The following CDH8 variants were observed in gnomAD, a reference collection of about 807,000 sequenced individuals.
CDH8 encodes the protein cadherin 8.
A neutral mutation model predicts 68.1 loss-of-function variants in CDH8; 17 were observed. That is an observed-to-expected ratio of 0.25 (90% CI 0.17 to 0.37). CDH8 has a LOEUF of 0.37. Among genes scored for constraint, CDH8 ranks in the 10% least tolerant of loss-of-function variants. CDH8 has a pLI of 1.00. For synonymous variants in CDH8, 372 were observed against 365.1 expected (o/e 1.02, Z -0.21); for missense variants, 763 against 999.3 (o/e 0.76, Z 3.19).
At chr16:61,697,339 A>T (rs1964346223) in intron 10 of CDH8, among the ~76,000 whole-genome samples, 1 of 152,112 alleles carries the variant, frequency 6.6e-6, no homozygotes, top group East Asian at 1.9e-4. Context: ...TGTCACCCTT[A>T]TGCAGACAGA....
At chr16:61,750,316 C>A (rs921503468) in intron 8 of CDH8, among the ~76,000 whole-genome samples, 1 of 152,060 alleles carries the variant, frequency 6.6e-6, no homozygotes, top group Non-Finnish European at 1.5e-5. Context: ...AGTAAAGAAG[C>A]ACAGGGTAAG....
intron 8 of CDH8, among the ~76,000 whole-genome samples, chr16:61,732,513 A>G (rs1421938620): frequency 6.6e-6 from 1 of 151,848 alleles, no homozygotes; most frequent in Non-Finnish European, 1.5e-5. Context: ...GGAATCCTAT[A>G]TCCATCACAA....
chr16:61,882,412 T>C (rs1963594893), intron 3 of CDH8, among the ~76,000 whole-genome samples: 1 of 152,218 alleles, frequency 6.6e-6, no homozygotes, highest in South Asian at 2.1e-4. Context: ...CTTTTAGCTA[T>C]GAAGAAGAGC....
At chr16:62,001,501 G>T in intron 2 of CDH8, among the ~76,000 whole-genome samples, 1 of 152,086 alleles carries the variant, frequency 6.6e-6, no homozygotes, top group Non-Finnish European at 1.5e-5. Context: ...GTAGCCCAAG[G>T]TAAATACACA....
At position 61,647,626 on chromosome 16, in the gene CDH8, TGATCC is replaced by T. The variant is rs1963233400; in HGVS notation, c.*5977_*5981del. Reference sequence around the variant, plus strand: ...GAAATTAACATTTGGCTTTGGGGGGTGATCCCAATGACTCCTAAATTGTCATGGTC... The same window carrying T: ...GAAATTAACATTTGGCTTTGGGGGGTCAATGACTCCTAAATTGTCATGGTC... On this transcript the variant is annotated 3_prime_UTR_variant, in exon 12 of 12. Transcript: ENST00000577390. The T allele has an allele frequency of 1.1e-5, 6 of 540,178 alleles. No individual in the cohort carries two copies. The allele number at this position is 540,178 out of a possible 1,614,324, so 33.5% of individuals were successfully genotyped here. A position where few individuals can be genotyped will look rare whatever the true frequency, so the allele number is the denominator to read the frequency against.
intron 6 of CDH8, 60 bp from the exon 7 acceptor site, chr16:61,817,792 T>C: frequency 6.7e-7 from 1 of 1,490,102 alleles, no homozygotes; most frequent in Non-Finnish European, 9.0e-7. Flanking sequence ...CAAGAACAAA[T>C]GAGTATAATG....
chr16:61,926,647 T>A (rs919291446), intron 2 of CDH8, among the ~76,000 whole-genome samples: 1 of 152,204 alleles, frequency 6.6e-6, no homozygotes, highest in Non-Finnish European at 1.5e-5. Flanking sequence ...ACAGGCAGAA[T>A]GCAGTGTGCT....
At chr16:61,776,764 A>T (rs2142991346) in intron 8 of CDH8, among the ~76,000 whole-genome samples, 1 of 152,214 alleles carries the variant, frequency 6.6e-6, no homozygotes, top group East Asian at 1.9e-4. Flanking sequence ...TATCAAGTTT[A>T]CCTTAAGTTA....
At chr16:61,940,194 G>A (rs1964690702) in intron 2 of CDH8, 1 of 151,744 alleles carries the variant, frequency 6.6e-6, no homozygotes, top group South Asian at 2.1e-4. Context: ...TATCTCCTTT[G>A]ACATCTTTCT....
At chr16:61,964,339 G>A (rs1367738607) in intron 2 of CDH8, among the ~76,000 whole-genome samples, 15 of 152,226 alleles carry the variant, frequency 9.9e-5, no homozygotes, top group Admixed American at 7.2e-4. Flanking sequence ...GGTGGGAACC[G>A]CCCAGGACAG....
At chr16:61,865,918 C>T (rs973791872) in intron 3 of CDH8, among the ~76,000 whole-genome samples, 3 of 152,104 alleles carry the variant, frequency 2.0e-5, no homozygotes, top group Admixed American at 6.5e-5. Flanking sequence ...ATGCCTTCTA[C>T]GGTATGTGAC....
At chr16:61,752,701 G>A (rs369584995) in intron 8 of CDH8, among the ~76,000 whole-genome samples, 35 of 152,262 alleles carry the variant, frequency 2.3e-4, no homozygotes, top group African/African-American at 8.4e-4. Flanking sequence ...ACATGCAAAA[G>A]TAGCCATGAA....
chr16:61,665,807 T>TTCCTTC (rs1567410685), intron 10 of CDH8, among the ~76,000 whole-genome samples: 3 of 70,310 alleles, frequency 4.3e-5, no homozygotes, highest in African/African-American at 5.3e-5. Context: ...TTCCTTCCTT[T>TTCCTTC]CCCTCCTTCC....
intron 2 of CDH8, among the ~76,000 whole-genome samples, chr16:61,917,532 A>G (rs924507995): frequency 1.3e-5 from 2 of 152,076 alleles, no homozygotes; most frequent in African/African-American, 2.4e-5. Context: ...CACAGACGAG[A>G]CTTCATCCAC....
chr16:61,870,940 T>G (rs1963345674), intron 3 of CDH8, among the ~76,000 whole-genome samples: 1 of 152,240 alleles, frequency 6.6e-6, no homozygotes, highest in South Asian at 2.1e-4. Context: ...TATAATTATC[T>G]TATTTAGACT....
chr16:61,873,035 A>G (rs1265061741), intron 3 of CDH8, among the ~76,000 whole-genome samples: 1 of 152,220 alleles, frequency 6.6e-6, no homozygotes, highest in Non-Finnish European at 1.5e-5. Flanking sequence ...ATTGTGAAAG[A>G]TAACAGCTTA....
At position 61,815,586 on chromosome 16, in the gene CDH8, T is replaced by C. The variant is rs77313058; in HGVS notation, c.1277+1893A>G. Among the ~76,000 whole-genome samples the C allele has an allele frequency of 3.9e-5, 6 of 152,278 alleles. No individual in the cohort carries two copies. In the East Asian group the frequency reaches 1.2e-3, roughly 29 times the overall value. ...GTACCATGTAGTCCATGTTGGGAGCTTATATTATTGTGCTGATATCTGAAC... is the reference window on the plus strand; with the variant it reads ...GTACCATGTAGTCCATGTTGGGAGCCTATATTATTGTGCTGATATCTGAAC... On this transcript the variant is annotated intron_variant, in intron 7 of 11. Transcript: ENST00000577390.
At position 61,653,714 on chromosome 16, in the gene CDH8, G is replaced by A. The variant is rs1963378227; in HGVS notation, c.2294C>T (p.Thr765Ile). Residue 765 changes from threonine to isoleucine, a missense_variant, in exon 12 of 12, where the codon ACC becomes ATC. Physicochemically the swap from Thr to Ile is moderately conservative, Grantham distance 89. Around this residue, in one of 2 missense-constraint regions of CDH8, gnomAD observed 397 missense variants for 436.2 expected, o/e 0.91. Transcript: ENST00000577390. ...AAAATTCTGGTCTGAGTCTGATGTG[G>A]TGGACTCCAAGGAGCTGAGGGAGCC... ...VAGSLSSLESTTSDSDQNFDY... is the reference protein window; with the variant it reads ...VAGSLSSLESITSDSDQNFDY... 1.9e-6 allele frequency: 3 copies of A among 1,614,046 alleles called. No individual in the cohort carries two copies. Among genetic ancestry groups the A allele is most frequent in the Admixed American group, 3.3e-5 (2 of 60,000 alleles).
chr16:61,918,039 C>T (rs1964276305), intron 2 of CDH8, among the ~76,000 whole-genome samples: 1 of 144,332 alleles, frequency 6.9e-6, no homozygotes, highest in Non-Finnish European at 1.5e-5. Context: ...ACAACTGCTG[C>T]CACCTTAGTA....
Sources: allele counts gnomAD v4.1 joint callset (sites outside exome capture counted in the v4.1 genomes callset), GRCh38; gene constraint gnomAD v4.1.1; regional missense constraint gnomAD v4.1.1; transcripts MANE v1.5; gene names NCBI Gene and HGNC (gene_info 2026-07-23, HGNC 2026-07-21).